Variants in CD109 observed in about 807,000 individuals in gnomAD.
CD109 encodes the protein CD109 antigen.
Under a neutral mutation model 165.8 loss-of-function variants are expected in CD109, and 149 were observed. That is an observed-to-expected ratio of 0.90 (90% confidence interval 0.79 to 1.03). The LOEUF (loss-of-function observed/expected upper bound fraction) is 1.03. Among genes scored for constraint, CD109 ranks in the 50% least tolerant of loss-of-function variants. The probability of loss-of-function intolerance (pLI) is 0.00; values close to 1 mark genes in which losing one functional copy is unlikely to be tolerated. For synonymous variants in CD109, 585 were observed against 592.1 expected, an observed-to-expected ratio of 0.99 and a Z score of 0.18; for missense variants, 1,712 against 1,677.8, an observed-to-expected ratio of 1.02 and a Z score of -0.36.
intron 16 of CD109, 146 bp from the exon 17 acceptor site, chr6:73,781,113 G>A (rs7742435): frequency 0.37 from 223,218 of 608,884 alleles, 41,953 homozygotes; most frequent in African/African-American, 0.47. Context: ...TTGAGTGAGA[G>A]ACAGAAAGGT....
Position 73,717,888 on chromosome 6 carries a change from G to A in CD109, c.248-5363G>A, listed in dbSNP as rs562144851. Among the ~76,000 whole-genome samples, 5 of 151,722 alleles carry A rather than the reference G, an allele frequency of 3.3e-5. No homozygotes were observed. The East Asian group carries it at 7.8e-4, about 24-fold the overall frequency. On this transcript the variant is annotated intron_variant, in intron 2 of 32. Coordinates refer to ENST00000287097, the MANE Select transcript of CD109 (RefSeq NM_133493.5). ...CCCACCTCGGCCTCCCAAAGTGCTGGGATTACAGGCGTGAGCCACCGCGCC... is the reference window on the plus strand; with the variant it reads ...CCCACCTCGGCCTCCCAAAGTGCTGAGATTACAGGCGTGAGCCACCGCGCC...
At chr6:73,739,857 G>T (rs531123845) in intron 5 of CD109, among the ~76,000 whole-genome samples, 1 of 151,830 alleles carries the variant, frequency 6.6e-6, no homozygotes, top group Non-Finnish European at 1.5e-5. Context: ...AAAAAAAAAG[G>T]AAGTATTTTT....
intron 28 of CD109, among the ~76,000 whole-genome samples, 175 bp downstream of exon 28, chr6:73,811,322 G>A (rs193062279): frequency 1.3e-5 from 2 of 152,254 alleles, no homozygotes; most frequent in East Asian, 3.9e-4. Context: ...GAAGGGTGGG[G>A]AACTTTGGAA....
At chr6:73,686,637 ATAAATTAAAT>A in the CD109 span, among the ~76,000 whole-genome samples, 3 of 152,198 alleles carry the variant, frequency 2.0e-5, no homozygotes, top group Non-Finnish European at 4.4e-5. Flanking sequence ...ACTTAAAAAT[ATAAATTAAAT>A]TAAATTAAAT....
intron 23 of CD109, among the ~76,000 whole-genome samples, chr6:73,798,669 C>T (rs1775256276): frequency 6.6e-6 from 1 of 152,162 alleles, no homozygotes; most frequent in Non-Finnish European, 1.5e-5. Context: ...TGGTGATTGT[C>T]TGTGGCCTCT....
At chr6:73,766,364 A>C (rs930645989) in intron 11 of CD109, among the ~76,000 whole-genome samples, 3 of 152,204 alleles carry the variant, frequency 2.0e-5, no homozygotes, top group African/African-American at 7.2e-5. Context: ...TTTGAAGAGC[A>C]CAGTAAAATA....
At chr6:73,811,266 A>G in intron 28 of CD109, 119 bp downstream of exon 28, 1 of 1,180,656 alleles carries the variant, frequency 8.5e-7, no homozygotes, top group Admixed American at 3.0e-5. Flanking sequence ...CTGTAGAGTA[A>G]TAGGGAGAAG....
intron 30 of CD109, among the ~76,000 whole-genome samples, chr6:73,816,703 A>AG (rs1350400078): frequency 6.6e-6 from 1 of 152,188 alleles, no homozygotes; most frequent in African/African-American, 2.4e-5. Context: ...TTGCTGTTTG[A>AG]GGGGGATACA....
At chr6:73,819,122 G>A (rs1379932239) in intron 31 of CD109, among the ~76,000 whole-genome samples, 1 of 152,192 alleles carries the variant, frequency 6.6e-6, no homozygotes, top group Non-Finnish European at 1.5e-5. Flanking sequence ...GGTGTGAGCC[G>A]CCATGCCTGG....
At chr6:73,758,620 G>C (rs2150217568) in intron 6 of CD109, among the ~76,000 whole-genome samples, 1 of 152,104 alleles carries the variant, frequency 6.6e-6, no homozygotes, top group African/African-American at 2.4e-5. Flanking sequence ...CTGACCTCAG[G>C]TGATCCACCT....
chr6:73,714,673 C>T (rs1377680908), intron 2 of CD109, among the ~76,000 whole-genome samples: 3 of 152,196 alleles, frequency 2.0e-5, no homozygotes, highest in Non-Finnish European at 4.4e-5. Context: ...GAAAGTCTTT[C>T]GTTTTTATAT....
chr6:73,788,523 A>G lies in CD109; in HGVS notation c.2612A>G (p.Asn871Ser). The change falls in exon 22 of 33, where the codon AAT (asparagine) becomes AGT (serine). Residue 871 changes from asparagine to serine, a missense_variant. Physicochemically the swap from Asn to Ser is conservative, Grantham distance 46 (BLOSUM62 1). Coordinates refer to ENST00000287097, the MANE Select transcript of CD109 (RefSeq NM_133493.5). ...TCCATCTTATTAGACTTGACTGACA[A>G]TAGGCTACAGAGTACCCTGAAAACT... Reference protein sequence around the residue: ...SQSILLDLTDNRLQSTLKTLS... With the variant: ...SQSILLDLTDSRLQSTLKTLS... 1.9e-6 allele frequency: 3 copies of G among 1,611,722 alleles called. No individual in the cohort carries two copies. Among genetic ancestry groups the G allele is most frequent in the South Asian group, 1.1e-5 (1 of 90,556 alleles).
intron 7 of CD109, among the ~76,000 whole-genome samples, chr6:73,761,927 G>A (rs1226788164): frequency 1.3e-5 from 2 of 151,838 alleles, no homozygotes; most frequent in Non-Finnish European, 2.9e-5. Context: ...TCTCTTTTTA[G>A]TGTTTTGCCA....
At chr6:73,683,200 C>T in the CD109 span, among the ~76,000 whole-genome samples, 2 of 152,188 alleles carry the variant, frequency 1.3e-5, no homozygotes, top group Non-Finnish European at 2.9e-5. Context: ...TGCTCTGTAT[C>T]GCTTTTGAAA....
chr6:73,806,114 A>C (rs577059170), intron 24 of CD109, among the ~76,000 whole-genome samples: 2 of 152,194 alleles, frequency 1.3e-5, no homozygotes, highest in Non-Finnish European at 2.9e-5. Flanking sequence ...AACCAGCCCA[A>C]ATGTCCATCA....
upstream of CD109, chr6:73,694,765 T>G (rs371477838): frequency 2.6e-5 from 4 of 152,384 alleles, no homozygotes; most frequent in South Asian, 8.3e-4. Flanking sequence ...ACCTTGGTGC[T>G]TGGCCCACCC....
rs1186704517 is a variant in CD109 at position 73,723,290 on chromosome 6, A to C, written c.276+11A>C. 6.2e-7 allele frequency: 1 copy of C among 1,605,600 alleles called. No individual in the cohort carries two copies. Among genetic ancestry groups the C allele is most frequent in the Non-Finnish European group, 8.5e-7 (1 of 1,174,948 alleles). On this transcript the variant is annotated intron_variant, in intron 3 of 32. Transcript: ENST00000287097. ...CTTACTCTTCCATCAGTAAGTATCCATTTAAAAAATTTGGTTTCAGAAATA... is the reference window on the plus strand; with the variant it reads ...CTTACTCTTCCATCAGTAAGTATCCCTTTAAAAAATTTGGTTTCAGAAATA...
intron 29 of CD109, among the ~76,000 whole-genome samples, chr6:73,814,713 C>T (rs1297363604): frequency 2.0e-5 from 3 of 152,106 alleles, no homozygotes; most frequent in African/African-American, 7.2e-5. Flanking sequence ...AAACCAGTAT[C>T]CCCAAATATC....
At chr6:73,776,696 T>C (rs569312982) in intron 15 of CD109, among the ~76,000 whole-genome samples, 3 of 151,964 alleles carry the variant, frequency 2.0e-5, no homozygotes, top group Admixed American at 6.5e-5. Flanking sequence ...TAGCTGGGAT[T>C]ACAGGCGTGA....
Sources: gnomAD v4.1 joint callset for allele counts (sites outside exome capture counted in the v4.1 genomes callset) on GRCh38, gnomAD v4.1.1 for gene constraint, MANE v1.5 for transcripts, NCBI Gene and HGNC (gene_info 2026-07-23, HGNC 2026-07-21) for gene names.